The following USP25 variants were observed in gnomAD, a reference collection of about 807,000 sequenced individuals.
USP25 encodes the protein ubiquitin specific peptidase 25.
Under a neutral mutation model 158.5 loss-of-function variants are expected in USP25, and 85 were observed. That is an observed-to-expected ratio of 0.54 (90% CI 0.45 to 0.64). The LOEUF (loss-of-function observed/expected upper bound fraction) is 0.64, where lower values mean the gene tolerates loss of function less well. Among genes scored for constraint, USP25 ranks in the 30% least tolerant of loss-of-function variants. The pLI is 0.00. For missense variants in USP25, 1,242 were observed against 1,327.3 expected (o/e 0.94, Z 1.00); for synonymous variants, 464 against 460.4 (o/e 1.01, Z -0.10).
intron 1 of USP25, among the ~76,000 whole-genome samples, chr21:15,746,391 A>G (rs1345831445): frequency 6.6e-6 from 1 of 151,940 alleles, no homozygotes; most frequent in Non-Finnish European, 1.5e-5. Context: ...CTTTTGTTAC[A>G]GTTGACTTTT....
chr21:15,748,436 C>T (rs2032731445), intron 1 of USP25, among the ~76,000 whole-genome samples: 1 of 150,822 alleles, frequency 6.6e-6, no homozygotes, highest in Admixed American at 6.6e-5. Flanking sequence ...TGTGTACCAT[C>T]CACCCAGCTA....
intron 1 of USP25, among the ~76,000 whole-genome samples, chr21:15,749,434 G>A (rs547048176): frequency 3.9e-5 from 6 of 152,212 alleles, no homozygotes; most frequent in African/African-American, 1.4e-4. Flanking sequence ...TATATTTTCC[G>A]AGTCATATAT....
chr21:15,848,510 A>G (rs960738080), intron 19 of USP25, among the ~76,000 whole-genome samples: 3 of 151,816 alleles, frequency 2.0e-5, no homozygotes, highest in African/African-American at 7.2e-5. Context: ...CTGTTTTTGA[A>G]CAGGAACACA....
intron 17 of USP25, among the ~76,000 whole-genome samples, chr21:15,836,662 T>G (rs2038078143): frequency 1.9e-5 from 2 of 103,014 alleles, no homozygotes; most frequent in African/African-American, 7.8e-5. Context: ...CAGCCATTCT[T>G]TGCTGTCAGT....
chr21:15,847,760 G>C lies in USP25; in HGVS notation c.2435G>C (p.Gly812Ala), dbSNP rs963423241. 1 of 1,549,266 alleles carries C rather than the reference G, an allele frequency of 6.5e-7. No individual in the cohort carries two copies. Among genetic ancestry groups the C allele is most frequent in the East Asian group, 2.4e-5 (1 of 40,904 alleles). The part of the protein sequence containing the change: ...VGKFMIESKE[G>A]GYDDEIMMTP... ...AAATTTATGATTGAATCAAAGGAGG[G>C]GGGGTATGATGACGAGGTACCTTTT... is the stretch of plus-strand genomic sequence containing the variant. Residue 812 changes from glycine to alanine, a missense_variant, in exon 19 of 26, where the codon GGG becomes GCG. Around this residue, in one of 3 missense-constraint regions of USP25, gnomAD observed 608 missense variants for 605.2 expected, o/e 1.00. Coordinates refer to ENST00000400183, the MANE Select transcript of USP25 (RefSeq NM_001283041.3).
At chr21:15,870,187 T>C (rs1321855647) in intron 23 of USP25, 40 bp downstream of exon 23, 1 of 1,474,400 alleles carries the variant, frequency 6.8e-7, no homozygotes, top group Non-Finnish European at 9.4e-7. Flanking sequence ...GCATAATTTT[T>C]GCACTTAATT....
intron 1 of USP25, among the ~76,000 whole-genome samples, chr21:15,730,976 GTTTTTTTTTT>G (rs748732727): frequency 0.026 from 1,382 of 53,714 alleles, 42 homozygotes; most frequent in African/African-American, 0.087. Context: ...CTTCTTTTCT[GTTTTTTTTTT>G]TTTTTTTTTT....
rs756122197 is a variant in USP25, at chr21:15,766,107, T to C, written c.234T>C (p.Asp78=). 1 of 1,609,614 alleles carries C rather than the reference T, an allele frequency of 6.2e-7. No individual in the cohort carries two copies. The highest frequency in any genetic ancestry group is 8.5e-7 in the Non-Finnish European group (1 of 1,178,080). Reference sequence around the variant, plus strand: ...ACCAAACAGCACTTCCTGGCAATGATAGATACATCAGTGTGGGAAGCCAAG... The same window carrying C: ...ACCAAACAGCACTTCCTGGCAATGACAGATACATCAGTGTGGGAAGCCAAG... The part of the protein sequence containing the change: ...TYYQTALPGN[D]RYISVGSQAD... Residue 78 remains aspartate (D), a synonymous_variant, in exon 3 of 26, where the codon GAT becomes GAC. Transcript: ENST00000400183. The surrounding 1 kb of genome is among the most constrained non-coding windows in gnomAD (Gnocchi z 4.0).
chr21:15,801,158 C>T (rs192229167), intron 6 of USP25, among the ~76,000 whole-genome samples: 1 of 151,524 alleles, frequency 6.6e-6, no homozygotes, highest in Non-Finnish European at 1.5e-5. Flanking sequence ...GTTAGGTATG[C>T]ATGTATGTAT....
intron 5 of USP25, among the ~76,000 whole-genome samples, chr21:15,796,959 G>A (rs1374173631): frequency 1.3e-5 from 2 of 151,422 alleles, no homozygotes; most frequent in Non-Finnish European, 3.0e-5. Flanking sequence ...ACTAAAAACT[G>A]TAAAGAACAA....
At chr21:15,732,570 G>T (rs997915111) in intron 1 of USP25, among the ~76,000 whole-genome samples, 12 of 152,270 alleles carry the variant, frequency 7.9e-5, no homozygotes, top group Non-Finnish European at 1.5e-4. Context: ...AAAAGGAGAG[G>T]TGTGTAGTGT....
chr21:15,869,658 A>G (rs567374445), intron 22 of USP25, among the ~76,000 whole-genome samples: 1 of 152,296 alleles, frequency 6.6e-6, no homozygotes, highest in Admixed American at 6.5e-5. Flanking sequence ...AAAATTATGT[A>G]TTAAGTATGT....
chr21:15,846,154 ATATATTTT>A (rs1401733285), intron 18 of USP25, among the ~76,000 whole-genome samples: 87 of 43,462 alleles, frequency 2.0e-3, no homozygotes, highest in Non-Finnish European at 2.8e-3. Flanking sequence ...ATATATATAT[ATATATTTT>A]TTTTTTTTTT....
intron 20 of USP25, among the ~76,000 whole-genome samples, chr21:15,860,223 G>C (rs1175638632): frequency 2.6e-5 from 4 of 151,980 alleles, no homozygotes; most frequent in African/African-American, 4.8e-5. Context: ...CATGATCTCA[G>C]CTCACCACAA....
At chr21:15,864,704 T>C (rs1445647849) in intron 21 of USP25, among the ~76,000 whole-genome samples, 2 of 152,136 alleles carry the variant, frequency 1.3e-5, no homozygotes, top group Admixed American at 1.3e-4. Flanking sequence ...CACTCAATAT[T>C]TTAGAAACAA....
At chr21:15,858,076 A>G (rs893405385) in intron 20 of USP25, among the ~76,000 whole-genome samples, 35 of 152,192 alleles carry the variant, frequency 2.3e-4, no homozygotes, top group African/African-American at 7.9e-4. Flanking sequence ...AATACACTGA[A>G]TACCAGTGAT....
At chr21:15,745,473 C>CTTTTTTTTTTTTTTTTTTTTTT (rs11284817) in intron 1 of USP25, among the ~76,000 whole-genome samples, 17 of 112,984 alleles carry the variant, frequency 1.5e-4, no homozygotes, top group East Asian at 2.5e-4. Flanking sequence ...TTTTTCTTTT[C>CTTTTTTTTTTTTTTTTTTTTTT]TTTTTTTTTT....
chr21:15,860,953 CATATATAT>C (rs140631215), intron 20 of USP25, among the ~76,000 whole-genome samples: 9 of 145,726 alleles, frequency 6.2e-5, no homozygotes, highest in Middle Eastern at 3.7e-3. Context: ...TTGGTATCTT[CATATATAT>C]ATATATATAT....
chr21:15,787,520 A>G (rs186715231), intron 4 of USP25, among the ~76,000 whole-genome samples: 1 of 152,258 alleles, frequency 6.6e-6, no homozygotes, highest in Admixed American at 6.5e-5. Context: ...AACTTCCAGG[A>G]AGAAAATGAT....
Sources: gnomAD v4.1 joint callset for allele counts (sites outside exome capture counted in the v4.1 genomes callset) on GRCh38, gnomAD v4.1.1 for gene constraint, gnomAD v4.1.1 regional missense constraint, Gnocchi (gnomAD v3.1) non-coding constraint, MANE v1.5 for transcripts, NCBI Gene and HGNC (gene_info 2026-07-23, HGNC 2026-07-21) for gene names.